SUMF1: variants seen among roughly 807,000 people sequenced by gnomAD.
SUMF1 encodes the protein formylglycine-generating enzyme.
In SUMF1, 48 loss-of-function variants were observed where a neutral mutation model predicts 47.6. That is an observed-to-expected ratio of 1.01 (90% confidence interval 0.80 to 1.28). The LOEUF (loss-of-function observed/expected upper bound fraction) is 1.28. SUMF1 is among the 50% of genes most tolerant of loss of function. The probability of loss-of-function intolerance (pLI) is 0.00; values close to 1 mark genes in which losing one functional copy is unlikely to be tolerated. For missense variants in SUMF1, 571 were observed against 485.4 expected, an observed-to-expected ratio of 1.18 and a Z score of -1.66; for synonymous variants, 230 against 192.1, an observed-to-expected ratio of 1.20 and a Z score of -1.63.
chr3:4,200,213 G>A (rs114185669), intron 8 of SUMF1, among the ~76,000 whole-genome samples: 3,625 of 148,600 alleles, frequency 0.024, 154 homozygotes, highest in African/African-American at 0.085. Flanking sequence ...TACTGTGATG[G>A]TTACTTGTAG....
At chr3:4,194,078 C>T (rs1695379034) in intron 8 of SUMF1, among the ~76,000 whole-genome samples, 1 of 152,084 alleles carries the variant, frequency 6.6e-6, no homozygotes, top group Non-Finnish European at 1.5e-5. Context: ...TAGATGACCA[C>T]CATGATCAAA....
chr3:4,233,130 C>G (rs991818962), intron 8 of SUMF1, among the ~76,000 whole-genome samples: 1 of 152,072 alleles, frequency 6.6e-6, no homozygotes, highest in South Asian at 2.1e-4. Context: ...TCCTCAGATC[C>G]CAAAAACAAA....
chr3:4,133,687 C>T (rs780493136), intron 8 of SUMF1, among the ~76,000 whole-genome samples: 3 of 152,116 alleles, frequency 2.0e-5, no homozygotes, highest in Non-Finnish European at 2.9e-5. Flanking sequence ...CCTTGAACAT[C>T]GGACTCCAAT....
chr3:4,423,482 C>G (rs17685441), intron 3 of SUMF1, among the ~76,000 whole-genome samples: 2,718 of 152,184 alleles, frequency 0.018, 27 homozygotes, highest in African/African-American at 0.024. Context: ...TACTCTTCTA[C>G]TCTCCTTTTC....
At chr3:4,220,489 C>G (rs557158843) in intron 8 of SUMF1, among the ~76,000 whole-genome samples, 1 of 152,186 alleles carries the variant, frequency 6.6e-6, no homozygotes, top group Non-Finnish European at 1.5e-5. Flanking sequence ...AATGTATTAT[C>G]TAGGACGGTT....
chr3:4,192,723 G>A (rs996091992), intron 8 of SUMF1, among the ~76,000 whole-genome samples: 5 of 152,104 alleles, frequency 3.3e-5, no homozygotes, highest in Admixed American at 3.3e-4. Context: ...AGATTAAAGG[G>A]TTGGGGCTTT....
chr3:4,303,514 G>A (rs966368761), intron 8 of SUMF1: 4 of 1,436,794 alleles, frequency 2.8e-6, no homozygotes, highest in Middle Eastern at 2.2e-4. Flanking sequence ...GGGCCGCGCC[G>A]GCGCCCTTCC....
intron 8 of SUMF1, among the ~76,000 whole-genome samples, chr3:4,192,069 T>C (rs1475248279): frequency 6.6e-6 from 1 of 152,042 alleles, no homozygotes; most frequent in Non-Finnish European, 1.5e-5. Context: ...CAGAATGGCA[T>C]ATGTGAAAGG....
chr3:4,390,795 C>T (rs1192264604), intron 7 of SUMF1, among the ~76,000 whole-genome samples: 1 of 152,142 alleles, frequency 6.6e-6, no homozygotes, highest in African/African-American at 2.4e-5. Flanking sequence ...GTTGCCTAGG[C>T]TGGTCTTGAA....
intron 8 of SUMF1, among the ~76,000 whole-genome samples, chr3:4,375,839 G>C (rs1021048794): frequency 9.2e-5 from 14 of 152,130 alleles, no homozygotes; most frequent in African/African-American, 3.4e-4. Context: ...AGCCCAAAGA[G>C]AAGAAACACT....
At chr3:4,311,244 C>T (rs1044621156) in intron 8 of SUMF1, among the ~76,000 whole-genome samples, 2 of 152,146 alleles carry the variant, frequency 1.3e-5, no homozygotes, top group African/African-American at 4.8e-5. Flanking sequence ...AACTACATAG[C>T]TCCACCCGAG....
chr3:4,362,095 T>TAGGTCAGAC lies in SUMF1; in HGVS notation c.*40_*48dup. ...TCAAAGTTCTGAGAAAAGCCCAATG[T>TAGGTCAGAC]AGGTCAGACACGACTGCTCCTTGGA... On this transcript the variant is annotated 3_prime_UTR_variant, in exon 9 of 9. Transcript: ENST00000272902. 3.2e-6 allele frequency: 5 copies of TAGGTCAGAC among 1,551,138 alleles called. No homozygotes were observed. Among genetic ancestry groups the TAGGTCAGAC allele is most frequent in the Non-Finnish European group, 4.4e-6 (5 of 1,124,216 alleles).
At chr3:4,316,554 A>C in intron 8 of SUMF1, 1 of 1,556,316 alleles carries the variant, frequency 6.4e-7, no homozygotes. Flanking sequence ...AAAGGTGAAA[A>C]AGCTCGATAA....
chr3:4,377,442 T>G (rs930104109), intron 7 of SUMF1, among the ~76,000 whole-genome samples: 3 of 152,166 alleles, frequency 2.0e-5, no homozygotes, highest in African/African-American at 7.2e-5. Flanking sequence ...GTTAAGTTAC[T>G]GGTAAAATAA....
rs17039991 is a variant in SUMF1, at chr3:4,124,555, G to A, written c.1015-55810C>T. Among the ~76,000 whole-genome samples, 1,227 of 151,214 alleles carry A rather than the reference G, an allele frequency of 8.1e-3. 20 individuals are homozygous for A. Among genetic ancestry groups the A allele is most frequent in the African/African-American group, 0.028 (1,157 of 41,186 alleles). On this transcript the variant is annotated intron_variant and NMD_transcript_variant, in intron 8 of 12. Coordinates refer to the SUMF1 transcript ENST00000448413. Reference sequence around the variant, plus strand: ...TTTCTCAGAAATACATTAGCACAGTGCCATAGTCCTAAATCATATATATTT... The same window carrying A: ...TTTCTCAGAAATACATTAGCACAGTACCATAGTCCTAAATCATATATATTT...
In SUMF1 at chr3:4,042,076, T is replaced by C. The variant is rs1382339465; in HGVS notation, c.1191+26493A>G. 3.3e-5 allele frequency among the ~76,000 whole-genome samples: 5 copies of C among 152,310 alleles called. No homozygotes were observed. The South Asian group carries it at 1.0e-3, about 32-fold the overall frequency. ...GTTTGAGTCAACAGATCTCTTAACCTGGTAACTTTTAGGAAACCACTTAAT... is the reference window on the plus strand; with the variant it reads ...GTTTGAGTCAACAGATCTCTTAACCCGGTAACTTTTAGGAAACCACTTAAT... On this transcript the variant is annotated intron_variant and NMD_transcript_variant, in intron 9 of 12. Coordinates refer to the SUMF1 transcript ENST00000448413.
chr3:4,215,072 AAATCTGGCAG>A (rs1695888856), intron 8 of SUMF1, among the ~76,000 whole-genome samples: 2 of 152,294 alleles, frequency 1.3e-5, no homozygotes, highest in African/African-American at 4.8e-5. Flanking sequence ...CCTGATACCA[AAATCTGGCAG>A]AGACACAACA....
chr3:4,095,198 G>A (rs1445467374), intron 8 of SUMF1, among the ~76,000 whole-genome samples: 1 of 152,044 alleles, frequency 6.6e-6, no homozygotes, highest in Admixed American at 6.6e-5. Flanking sequence ...ATTTTTTACA[G>A]GGTAGACTGT....
rs553542580 is a variant in SUMF1, at chr3:4,154,827, C to T, written c.1015-86082G>A. ...CACCAGCCAATATCTGGGCAACCAC[C>T]GCATCCCACTTCCAGAATACATCAA... On this transcript the variant is annotated intron_variant and NMD_transcript_variant, in intron 8 of 12. Coordinates refer to the SUMF1 transcript ENST00000448413. Among the ~76,000 whole-genome samples the T allele has an allele frequency of 4.2e-4, 64 of 151,508 alleles. 2 individuals are homozygous for T. The highest frequency in any genetic ancestry group is 1.2e-3 in the Admixed American group (19 of 15,272).
Sources: gnomAD v4.1 joint callset for allele counts (sites outside exome capture counted in the v4.1 genomes callset) on GRCh38, gnomAD v4.1.1 for gene constraint, MANE v1.5 for transcripts, NCBI Gene and HGNC (gene_info 2026-07-23, HGNC 2026-07-21) for gene names.